The following MAMSTR variants were observed in gnomAD, a reference collection of about 807,000 sequenced individuals.
The protein encoded by MAMSTR is MEF2 activating motif and SAP domain containing transcriptional regulator.
In MAMSTR, 41 loss-of-function variants were observed where a neutral mutation model predicts 42.7. The ratio of observed to expected loss-of-function variants is 0.96; its 90% CI spans 0.75 to 1.25. MAMSTR has a LOEUF of 1.25. Among genes scored for constraint, MAMSTR ranks in the 50% most tolerant of loss-of-function variants. The pLI, the probability that MAMSTR is intolerant of heterozygous loss-of-function variation, is 0.00. For synonymous variants in MAMSTR, 265 were observed against 244.1 expected (o/e 1.09, Z -0.80); for missense variants, 567 against 557.6 (o/e 1.02, Z -0.17).
At chr19:48,714,172 G>T in intron 7 of MAMSTR, 127 bp from the exon 8 acceptor site, 1 of 1,134,200 alleles carries the variant, frequency 8.8e-7, no homozygotes, top group Non-Finnish European at 1.2e-6. Flanking sequence ...CTTTGGCCTC[G>T]CCCCCTATTC....
At chr19:48,708,124 C>T (rs2032680096), downstream of MAMSTR, among the ~76,000 whole-genome samples, 4 of 151,558 alleles carry the variant, frequency 2.6e-5, no homozygotes, top group Admixed American at 2.6e-4. Context: ...ATCCCAGCTA[C>T]TCAGGAGGCT....
the MAMSTR span, among the ~76,000 whole-genome samples, chr19:48,706,780 G>A: frequency 1.3e-5 from 2 of 151,912 alleles, no homozygotes; most frequent in Non-Finnish European, 2.9e-5. Context: ...TCTCAAGACG[G>A]CATTAACAAA....
chr19:48,707,918 A>C (rs1299540719), downstream of MAMSTR, among the ~76,000 whole-genome samples: 1 of 144,758 alleles, frequency 6.9e-6, no homozygotes, highest in Non-Finnish European at 1.5e-5. Flanking sequence ...GAAAGAAAGA[A>C]AAAAGAAAGA....
At position 48,719,011 on chromosome 19, in the gene MAMSTR, G is replaced by C. The variant is rs2033155744; in HGVS notation, c.21C>G (p.Ser7=). 6.4e-7 allele frequency: 1 copy of C among 1,551,450 alleles called. No homozygotes were observed. The highest frequency in any genetic ancestry group is 2.0e-5 in the Admixed American group (1 of 50,984). Residue 7 remains serine, a synonymous_variant, in exon 2 of 10, where the codon TCC becomes TCG. Transcript: ENST00000318083. The surrounding 1 kb of genome is among the most constrained non-coding windows in gnomAD (Gnocchi z 4.4). ...TGGAGCGAATGATTTGGGAACGCTG[G>C]GAGGAAGCCGCCAGGGTCATTGCCA... MTLAAS[S]QRSQIIRSKF...
rs897080471 is a variant in MAMSTR, at chr19:48,714,921, G to A, written c.426-13C>T. 4.5e-6 allele frequency: 7 copies of A among 1,553,092 alleles called. No homozygotes were observed. The highest frequency in any genetic ancestry group is 6.2e-6 in the Non-Finnish European group (7 of 1,130,998). ...AGAGGGCTTCATCCTGGTGATAATC[G>A]TGAGGGGCGAACAAAGGTTAGAGAG... On this transcript the variant is annotated splice_polypyrimidine_tract_variant and intron_variant, in intron 5 of 9. Transcript: ENST00000318083.
intron 5 of MAMSTR, 122 bp downstream of exon 5, chr19:48,715,140 A>T (rs957075520): frequency 7.0e-6 from 6 of 862,960 alleles, no homozygotes; most frequent in African/African-American, 6.9e-5. Context: ...CTGGACTCTT[A>T]AACCCTGGGA....
chr19:48,714,853 G>A lies in MAMSTR; in HGVS notation c.481C>T (p.Pro161Ser), dbSNP rs766102582. 44 of 1,612,942 alleles carry A rather than the reference G, an allele frequency of 2.7e-5. No individual in the cohort carries two copies. In the Middle Eastern group the frequency reaches 8.3e-4, roughly 30 times the overall value. ...GTCTGAAGTTCCAACTTGTGTGGGG[G>A]GGGCGAGGGGCTAGGGACTCCTGGT... ...CPPGVPSPSPPPHKLELQTLK... is the reference protein window; with the variant it reads ...CPPGVPSPSPSPHKLELQTLK... Residue 161 changes from proline to serine, a missense_variant, in exon 6 of 10, where the codon CCC (proline) becomes TCC (serine). By Grantham distance (74) the Pro-to-Ser change is moderately conservative (BLOSUM62 -1). Coordinates refer to ENST00000318083, the MANE Select transcript of MAMSTR (RefSeq NM_001130915.2).
chr19:48,718,519 C>G (rs1412918888), intron 2 of MAMSTR, among the ~76,000 whole-genome samples: 1 of 151,762 alleles, frequency 6.6e-6, no homozygotes, highest in African/African-American at 2.4e-5. Context: ...TCCCAAGTAG[C>G]TGGGATTACA....
Position 48,716,735 on chromosome 19 carries a change from G to C in MAMSTR, c.67C>G (p.Leu23Val). 7.5e-7 allele frequency: 1 copy of C among 1,327,042 alleles called. No individual in the cohort carries two copies. Among genetic ancestry groups the C allele is most frequent in the Non-Finnish European group, 9.7e-7 (1 of 1,027,856 alleles). The allele number at this position is 1,327,042 out of a possible 1,614,324, so 82.2% of individuals were successfully genotyped here. A position where few individuals can be genotyped will look rare whatever the true frequency, so the allele number is the denominator to read the frequency against. The change falls in exon 3 of 10, where the codon CTT becomes GTT. Residue 23 changes from leucine to valine, a missense_variant. Physicochemically the swap from Leu to Val is conservative, Grantham distance 32. Transcript: ENST00000318083. Reference sequence around the variant, plus strand: ...TCCTGATTCCGTCTGTGGATCCGAAGCTGGAGGACTGTGGAGGGAGGAGGG... The same window carrying C: ...TCCTGATTCCGTCTGTGGATCCGAACCTGGAGGACTGTGGAGGGAGGAGGG... ...IRSKFRSVLQ[L>V]RIHRRNQEQI... is the part of the protein sequence containing the mutation.
downstream of MAMSTR, among the ~76,000 whole-genome samples, chr19:48,711,470 C>T (rs1201678694): frequency 2.6e-5 from 4 of 152,332 alleles, no homozygotes; most frequent in East Asian, 7.7e-4. Context: ...AAGAACTGCC[C>T]TGCTGAGCCC....
chr19:48,717,558 A>G (rs1269414924), intron 2 of MAMSTR, among the ~76,000 whole-genome samples: 40 of 147,974 alleles, frequency 2.7e-4, no homozygotes, highest in Admixed American at 2.7e-3. Flanking sequence ...TTTTTGAGAC[A>G]AAGTCTCGCT....
chr19:48,706,309 A>G, the MAMSTR span, among the ~76,000 whole-genome samples: 66,543 of 149,688 alleles, frequency 0.44, 15,790 homozygotes, highest in Middle Eastern at 0.59. Context: ...AAAATTCTTA[A>G]GAGTAGATGG....
At chr19:48,717,608 C>G (rs1227430612) in intron 2 of MAMSTR, among the ~76,000 whole-genome samples, 1 of 150,698 alleles carries the variant, frequency 6.6e-6, no homozygotes, top group Non-Finnish European at 1.5e-5. Context: ...AATCTCAGCT[C>G]ACTGCAACCT....
At chr19:48,711,746 T>TG, downstream of MAMSTR, among the ~76,000 whole-genome samples, 1 of 141,280 alleles carries the variant, frequency 7.1e-6, no homozygotes, top group South Asian at 2.4e-4. Flanking sequence ...CTAGTTTTTT[T>TG]TTTTTTTTTT....
In MAMSTR at chr19:48,713,785, AT is replaced by A; in HGVS notation, c.910-16del. On this transcript the variant is annotated splice_polypyrimidine_tract_variant and intron_variant, in intron 8 of 9. Transcript: ENST00000318083. ...TTAGGAAGCAACTGCGGATGGAGAA[AT>A]TTGGCGTGAACTCGGGACTGCGACC... is the stretch of plus-strand genomic sequence containing the variant. The A allele has an allele frequency of 6.2e-7, 1 of 1,614,166 alleles. No individual in the cohort carries two copies. The highest frequency in any genetic ancestry group is 8.5e-7 in the Non-Finnish European group (1 of 1,180,030).
intron 3 of MAMSTR, 94 bp from the exon 4 acceptor site, chr19:48,715,861 G>T: frequency 2.0e-6 from 3 of 1,481,946 alleles, no homozygotes; most frequent in Non-Finnish European, 2.7e-6. Flanking sequence ...CCAGGGTGCC[G>T]GAGGGCAGGC....
chr19:48,714,447 C>A lies in MAMSTR; in HGVS notation c.642G>T (p.Pro214=). 1 of 1,358,822 alleles carries A rather than the reference C, an allele frequency of 7.4e-7. No homozygotes were observed. Among genetic ancestry groups the A allele is most frequent in the Non-Finnish European group, 9.4e-7 (1 of 1,067,012 alleles). 84.2% of individuals were successfully genotyped at this position (1,358,822 alleles called of 1,614,324 possible). Residue 214 remains proline, a synonymous_variant, in exon 7 of 10, where the codon CCG becomes CCT. Coordinates refer to ENST00000318083, the MANE Select transcript of MAMSTR (RefSeq NM_001130915.2). ...CACCCGCGGGACTGTCCTCGCGCCG[C>A]GGCTTCGGCCGCTCGCGGGGCGGCG... ...GGAPPRERPK[P]RREDSPAGAP...
chr19:48,711,184 G>GTC (rs2032718720), downstream of MAMSTR, among the ~76,000 whole-genome samples: 1 of 152,214 alleles, frequency 6.6e-6, no homozygotes, highest in African/African-American at 2.4e-5. Context: ...TTCAAGCCTA[G>GTC]TCTTTAAGAG....
chr19:48,706,199 A>C, the MAMSTR span, among the ~76,000 whole-genome samples: 2 of 150,016 alleles, frequency 1.3e-5, no homozygotes, highest in East Asian at 4.1e-4. Flanking sequence ...AAGCAGGAGA[A>C]TCGTTTGCAC....
Sources: gnomAD v4.1 joint callset for allele counts (sites outside exome capture counted in the v4.1 genomes callset) on GRCh38, gnomAD v4.1.1 for gene constraint, Gnocchi (gnomAD v3.1) non-coding constraint, MANE v1.5 for transcripts, NCBI Gene and HGNC (gene_info 2026-07-23, HGNC 2026-07-21) for gene names.